ABCA9: variants seen among roughly 807,000 people sequenced by gnomAD.
ABCA9 encodes ATP binding cassette subfamily A member 9, also known as ATP-binding cassette sub-family A member 9.
ABCA9 carries 183 observed loss-of-function variants against 205.3 expected under a neutral mutation model. That is an observed-to-expected ratio of 0.89 (90% CI 0.79 to 1.01). The LOEUF (loss-of-function observed/expected upper bound fraction) is 1.01, where lower values mean the gene tolerates loss of function less well. Ranked by LOEUF, ABCA9 falls within the 50% of genes least tolerant of loss-of-function variation. ABCA9 has a pLI of 0.00. For missense variants in ABCA9, 1,805 were observed against 1,912.4 expected (o/e 0.94, Z 1.05); for synonymous variants, 651 against 683.3 (o/e 0.95, Z 0.74).
chr17:68,990,326 A>G (rs2069406733), intron 29 of ABCA9, among the ~76,000 whole-genome samples: 1 of 152,248 alleles, frequency 6.6e-6, no homozygotes, highest in Admixed American at 6.5e-5. Context: ...TGTACTTATC[A>G]AAACCACAAC....
Position 69,027,436 on chromosome 17 carries a change from A to T in ABCA9, c.1805T>A (p.Val602Glu). 1 of 1,612,296 alleles carries T rather than the reference A, an allele frequency of 6.2e-7. No homozygotes were observed. Among genetic ancestry groups the T allele is most frequent in the South Asian group, 1.1e-5 (1 of 90,760 alleles). Residue 602 changes from valine to glutamate, a missense_variant, in exon 14 of 39, where the codon GTA becomes GAA. Coordinates refer to ENST00000340001, the MANE Select transcript of ABCA9 (RefSeq NM_080283.4). Reference protein sequence around the residue: ...HEVEKEVQRVVQELEMENIQD... With the variant: ...HEVEKEVQRVEQELEMENIQD... ...AATATTTTCCATTTCTAATTCCTGT[A>T]CAACTCGTTGTACCTAATCAAATAA...
intron 1 of ABCA9, among the ~76,000 whole-genome samples, chr17:69,052,427 C>G (rs1451413597): frequency 1.3e-5 from 2 of 151,952 alleles, no homozygotes; most frequent in East Asian, 3.9e-4. Flanking sequence ...AAAGAAAAAA[C>G]AGTATAAGGA....
chr17:68,977,338 G>A (rs9893173), intron 37 of ABCA9, among the ~76,000 whole-genome samples: 7,921 of 151,984 alleles, frequency 0.052, 695 homozygotes, highest in African/African-American at 0.18. Flanking sequence ...ATGAAAGAAA[G>A]GGCCAGCAAT....
At chr17:69,075,545 T>C in the ABCA9 span, among the ~76,000 whole-genome samples, 29 of 152,270 alleles carry the variant, frequency 1.9e-4, no homozygotes, top group African/African-American at 6.0e-4. Context: ...AAAGAACAGA[T>C]GGCTATTGGT....
chr17:69,027,328 A>G lies in ABCA9; in HGVS notation c.1911+2T>C. 6.2e-7 allele frequency: 1 copy of G among 1,612,310 alleles called. No individual in the cohort carries two copies. The highest frequency in any genetic ancestry group is 8.5e-7 in the Non-Finnish European group (1 of 1,179,280). On this transcript the variant is annotated splice_donor_variant, in intron 14 of 38. Transcript: ENST00000340001. LOFTEE classifies it high-confidence loss of function. ...TTCACCAGTAATTTTTGTTTGACTT[A>G]CTTGAGGATCTCCTAAAATGGCAAT...
chr17:68,990,578 G>T (rs1374684789), intron 29 of ABCA9, among the ~76,000 whole-genome samples: 3 of 152,124 alleles, frequency 2.0e-5, no homozygotes, highest in Non-Finnish European at 4.4e-5. Context: ...GTAGAAATGG[G>T]ATCTTACTTG....
At chr17:69,076,053 A>G in the ABCA9 span, among the ~76,000 whole-genome samples, 1 of 152,118 alleles carries the variant, frequency 6.6e-6, no homozygotes, top group African/African-American at 2.4e-5. Flanking sequence ...ATTCAGTACT[A>G]TGTTGAATAG....
At chr17:69,006,375 C>T (rs1419520893) in intron 25 of ABCA9, among the ~76,000 whole-genome samples, 4 of 152,138 alleles carry the variant, frequency 2.6e-5, no homozygotes, top group African/African-American at 9.7e-5. Flanking sequence ...CAGTTCAAAA[C>T]AAGAAGCCAC....
At chr17:69,037,585 T>C (rs779479598) in intron 6 of ABCA9, among the ~76,000 whole-genome samples, 2 of 152,132 alleles carry the variant, frequency 1.3e-5, no homozygotes, top group Non-Finnish European at 2.9e-5. Context: ...GGAAAATTAA[T>C]AGCACTAAAT....
upstream of ABCA9, among the ~76,000 whole-genome samples, chr17:69,062,506 T>A (rs781513428): frequency 6.6e-6 from 1 of 151,338 alleles, no homozygotes; most frequent in African/African-American, 2.4e-5. Context: ...TATTTAATAT[T>A]TATTTATTTA....
intron 18 of ABCA9, 42 bp downstream of exon 18, chr17:69,021,692 CCTTCCTTT>C (rs922158719): frequency 6.5e-6 from 8 of 1,225,910 alleles, no homozygotes; most frequent in African/African-American, 1.5e-5. Context: ...TTCCTTCCTT[CCTTCCTTT>C]CTTTCTTTCT....
In ABCA9 at chr17:68,995,079, A is replaced by G. The variant is rs150020055; in HGVS notation, c.3555+816T>C. The stretch of plus-strand genomic sequence containing the variant: ...CACTTTCATTAAAATCGACCTTGTG[A>G]AGCTCACCAATGACGTTCGTGTAGT... On this transcript the variant is annotated intron_variant, in intron 26 of 38. Transcript: ENST00000340001. Among the ~76,000 whole-genome samples, 1,140 of 152,294 alleles carry G rather than the reference A, an allele frequency of 7.5e-3. 13 individuals are homozygous for G. The highest frequency in any genetic ancestry group is 0.027 in the African/African-American group (1,104 of 41,556).
At chr17:69,001,986 C>A (rs201016905) in intron 25 of ABCA9, among the ~76,000 whole-genome samples, 641 of 131,898 alleles carry the variant, frequency 4.9e-3, no homozygotes, top group Non-Finnish European at 5.9e-3. Flanking sequence ...TTTTTTATTG[C>A]ATCTATTTGA....
chr17:69,007,392 C>G (rs1315226631), intron 25 of ABCA9, among the ~76,000 whole-genome samples: 1 of 152,056 alleles, frequency 6.6e-6, no homozygotes, highest in Non-Finnish European at 1.5e-5. Flanking sequence ...CAGAGCGAGA[C>G]TCTGTCTCAG....
intron 25 of ABCA9, among the ~76,000 whole-genome samples, chr17:69,006,553 ATGATTCCAT>A (rs2070138385): frequency 2.0e-5 from 3 of 152,358 alleles, no homozygotes; most frequent in Admixed American, 6.5e-5. Flanking sequence ...TGCCTTCTAC[ATGATTCCAT>A]TTTTATTAAG....
Position 69,050,101 on chromosome 17 carries a change from T to C in ABCA9, c.97-611A>G, listed in dbSNP as rs548927638. Among the ~76,000 whole-genome samples, 274 of 152,226 alleles carry C rather than the reference T, an allele frequency of 1.8e-3. 1 individual carries two copies. The highest frequency in any genetic ancestry group is 6.4e-3 in the African/African-American group (267 of 41,582). ...AAAGAGTTATATGTCATCTTCATCATATGATCCTTTTTTAGCTATGTGTGT... is the reference window on the plus strand; with the variant it reads ...AAAGAGTTATATGTCATCTTCATCACATGATCCTTTTTTAGCTATGTGTGT... On this transcript the variant is annotated intron_variant, in intron 2 of 38. Transcript: ENST00000340001.
At chr17:69,002,257 G>T (rs2069909624) in intron 25 of ABCA9, among the ~76,000 whole-genome samples, 1 of 110,460 alleles carries the variant, frequency 9.1e-6, no homozygotes, top group African/African-American at 3.8e-5. Context: ...TGGGCATTTA[G>T]TGCTATAAAT....
chr17:68,989,469 G>A (rs1289452365), intron 30 of ABCA9, among the ~76,000 whole-genome samples: 1 of 152,104 alleles, frequency 6.6e-6, no homozygotes, highest in Non-Finnish European at 1.5e-5. Flanking sequence ...GGGCTGTTTT[G>A]GGGGAATGGA....
intron 10 of ABCA9, 84 bp from the exon 11 acceptor site, chr17:69,029,311 G>C (rs2071089044): frequency 2.7e-5 from 21 of 780,536 alleles, no homozygotes; most frequent in Non-Finnish European, 4.0e-5. Context: ...CTTAATCAAA[G>C]CCTCAAAGAA....
Sources: allele counts gnomAD v4.1 joint callset (sites outside exome capture counted in the v4.1 genomes callset), GRCh38; gene constraint gnomAD v4.1.1; transcripts MANE v1.5; gene names NCBI Gene and HGNC (gene_info 2026-07-23, HGNC 2026-07-21).